KCNJ3: variants seen among roughly 807,000 people sequenced by gnomAD.
KCNJ3 encodes the protein potassium inwardly rectifying channel subfamily J member 3.
KCNJ3 carries 4 observed loss-of-function variants against 39.2 expected under a neutral mutation model. The ratio of observed to expected loss-of-function variants is 0.10; its 90% CI spans 0.05 to 0.23. KCNJ3 has a LOEUF of 0.23. KCNJ3 is among the 10% of genes least tolerant of loss of function. The pLI, the probability that KCNJ3 is intolerant of heterozygous loss-of-function variation, is 1.00. For synonymous variants in KCNJ3, 230 were observed against 237.4 expected (o/e 0.97, Z 0.29); for missense variants, 276 against 634.9 (o/e 0.43, Z 6.08).
chr2:154,829,786 CTAA>C (rs139096386), intron 2 of KCNJ3, among the ~76,000 whole-genome samples: 6,011 of 152,176 alleles, frequency 0.04, 165 homozygotes, highest in South Asian at 0.092. Context: ...ATAAGAAATA[CTAA>C]TAATAACATT....
At chr2:154,737,452 C>G (rs1685567767) in intron 2 of KCNJ3, among the ~76,000 whole-genome samples, 1 of 140,242 alleles carries the variant, frequency 7.1e-6, no homozygotes, top group Non-Finnish European at 1.6e-5. Context: ...TTCACAATTT[C>G]TGGCATCCAA....
intron 2 of KCNJ3, among the ~76,000 whole-genome samples, chr2:154,778,312 A>G (rs1686374606): frequency 6.6e-6 from 1 of 152,186 alleles, no homozygotes; most frequent in Non-Finnish European, 1.5e-5. Context: ...TAGCAGTCAT[A>G]GCTTATAATT....
intron 2 of KCNJ3, among the ~76,000 whole-genome samples, chr2:154,737,251 G>A (rs892222548): frequency 6.6e-6 from 1 of 152,004 alleles, no homozygotes; most frequent in Admixed American, 6.6e-5. Context: ...TCAGTATTGG[G>A]GCAAAATTAT....
intron 2 of KCNJ3, among the ~76,000 whole-genome samples, chr2:154,744,764 A>G (rs1685708819): frequency 6.6e-6 from 1 of 151,782 alleles, no homozygotes; most frequent in African/African-American, 2.4e-5. Flanking sequence ...AACCAGGTAC[A>G]TGTCACATTG....
intron 2 of KCNJ3, among the ~76,000 whole-genome samples, chr2:154,802,156 A>G (rs1245367244): frequency 6.6e-6 from 1 of 151,272 alleles, no homozygotes; most frequent in African/African-American, 2.4e-5. Context: ...CCCATTATGT[A>G]ATTTTTTTTT....
chr2:154,855,347 A>G lies in KCNJ3; in HGVS notation c.*34A>G, dbSNP rs1687818742. 1.4e-6 allele frequency: 2 copies of G among 1,380,766 alleles called. No individual in the cohort carries two copies. The highest frequency in any genetic ancestry group is 2.0e-6 in the Non-Finnish European group (2 of 1,011,026). 85.5% of individuals were successfully genotyped at this position (1,380,766 alleles called of 1,614,324 possible). On this transcript the variant is annotated 3_prime_UTR_variant, in exon 3 of 3. Transcript: ENST00000295101. ...TCCCTTAGGCATTATTTAATGTTTGATTTAGTAATAGTCCAATATTTGGCG... is the reference window on the plus strand; with the variant it reads ...TCCCTTAGGCATTATTTAATGTTTGGTTTAGTAATAGTCCAATATTTGGCG...
intron 2 of KCNJ3, among the ~76,000 whole-genome samples, chr2:154,755,703 G>A (rs1457078940): frequency 6.6e-6 from 1 of 151,292 alleles, no homozygotes; most frequent in Non-Finnish European, 1.5e-5. Context: ...GCTTGAAATC[G>A]AATGCAAACT....
At chr2:154,847,396 A>G (rs1687679927) in intron 2 of KCNJ3, among the ~76,000 whole-genome samples, 1 of 152,212 alleles carries the variant, frequency 6.6e-6, no homozygotes, top group African/African-American at 2.4e-5. Flanking sequence ...GAGAAGAAAC[A>G]GCTATAGTCC....
chr2:154,724,167 T>G (rs1685310684), intron 2 of KCNJ3, among the ~76,000 whole-genome samples: 2 of 152,092 alleles, frequency 1.3e-5, no homozygotes, highest in Non-Finnish European at 2.9e-5. Context: ...AAATGGTGAA[T>G]GTTATAGTTA....
intron 2 of KCNJ3, among the ~76,000 whole-genome samples, chr2:154,831,889 G>T (rs1218612072): frequency 1.3e-5 from 2 of 152,112 alleles, no homozygotes; most frequent in Non-Finnish European, 2.9e-5. Context: ...TTGGCTCATG[G>T]TTCTGCAGGT....
chr2:154,812,199 A>G (rs1687018283), intron 2 of KCNJ3, among the ~76,000 whole-genome samples: 1 of 152,166 alleles, frequency 6.6e-6, no homozygotes, highest in South Asian at 2.1e-4. Flanking sequence ...AACTTTGAAT[A>G]CCATTGCCCT....
chr2:154,739,604 C>A (rs890869079), intron 2 of KCNJ3, among the ~76,000 whole-genome samples: 1 of 152,038 alleles, frequency 6.6e-6, no homozygotes, highest in Admixed American at 6.6e-5. Flanking sequence ...CCTATCTTGG[C>A]TTTTGGAACA....
chr2:154,726,526 T>C (rs1003556593), intron 2 of KCNJ3, among the ~76,000 whole-genome samples: 1 of 152,066 alleles, frequency 6.6e-6, no homozygotes, highest in Non-Finnish European at 1.5e-5. Context: ...TGTAAACTAG[T>C]ACAACCACTA....
intron 2 of KCNJ3, among the ~76,000 whole-genome samples, chr2:154,843,915 T>G (rs536925600): frequency 2.0e-5 from 3 of 152,312 alleles, no homozygotes; most frequent in African/African-American, 7.2e-5. Flanking sequence ...AGAAGTTTGT[T>G]ATTACCGGCC....
chr2:154,783,071 G>A (rs966324833), intron 2 of KCNJ3, among the ~76,000 whole-genome samples: 1 of 152,042 alleles, frequency 6.6e-6, no homozygotes, highest in African/African-American at 2.4e-5. Context: ...CCAGCTACTC[G>A]GGAGGCTGAG....
intron 2 of KCNJ3, among the ~76,000 whole-genome samples, chr2:154,799,903 A>G (rs1445243355): frequency 6.6e-6 from 1 of 152,210 alleles, no homozygotes; most frequent in Non-Finnish European, 1.5e-5. Flanking sequence ...GAAATTATGT[A>G]GTACGTTAGC....
intron 1 of KCNJ3, among the ~76,000 whole-genome samples, chr2:154,705,061 A>G (rs1480552743): frequency 6.6e-6 from 1 of 152,212 alleles, no homozygotes; most frequent in Non-Finnish European, 1.5e-5. Flanking sequence ...GCATGGATCA[A>G]ACTTTAGAAT....
intron 2 of KCNJ3, among the ~76,000 whole-genome samples, chr2:154,833,579 C>G (rs1687398788): frequency 6.6e-6 from 1 of 152,132 alleles, no homozygotes; most frequent in Non-Finnish European, 1.5e-5. Flanking sequence ...CATCAAGGTT[C>G]ATGCTTTGTG....
intron 2 of KCNJ3, among the ~76,000 whole-genome samples, chr2:154,774,069 C>G (rs914639613): frequency 3.3e-5 from 5 of 152,110 alleles, no homozygotes; most frequent in African/African-American, 1.2e-4. Context: ...GCATATTGCT[C>G]TCCTATTTTA....
Sources: allele counts gnomAD v4.1 joint callset (sites outside exome capture counted in the v4.1 genomes callset), GRCh38; gene constraint gnomAD v4.1.1; transcripts MANE v1.5; gene names NCBI Gene and HGNC (gene_info 2026-07-23, HGNC 2026-07-21).